Variants in CACNA1S observed in about 807,000 individuals in gnomAD.
CACNA1S encodes voltage-dependent L-type calcium channel subunit alpha-1S.
Under a neutral mutation model 207.4 loss-of-function variants are expected in CACNA1S, and 126 were observed. The observed-to-expected ratio is 0.61, with a 90% CI of 0.53 to 0.70. The LOEUF is 0.70. Among genes scored for constraint, CACNA1S ranks in the 30% least tolerant of loss-of-function variants. CACNA1S has a pLI of 0.00. For missense variants in CACNA1S, 2,349 were observed against 2,422.8 expected, an observed-to-expected ratio of 0.97 and a Z score of 0.64; for synonymous variants, 960 against 932.7, an observed-to-expected ratio of 1.03 and a Z score of -0.53.
At chr1:201,105,469 A>G (rs1324446071) in intron 2 of CACNA1S, among the ~76,000 whole-genome samples, 1 of 152,230 alleles carries the variant, frequency 6.6e-6, no homozygotes. Flanking sequence ...TCACACAGCT[A>G]GTAGGTGAGT....
chr1:201,049,017 G>A lies in CACNA1S; in HGVS notation c.4324C>T (p.Arg1442Trp), dbSNP rs759331560. ...GCTCTGGTTACCTTACAAGCTACCC[G>A]ATGTGGGCAGAACTTCCCAAAGCCC... Reference protein sequence around the residue: ...PLGFGKFCPHRVACKRLVGMN... With the variant: ...PLGFGKFCPHWVACKRLVGMN... The change falls in exon 35 of 44, where the codon CGG (arginine) becomes TGG (tryptophan). Residue 1442 changes from arginine to tryptophan, a missense_variant. Transcript: ENST00000362061. 3.1e-6 allele frequency: 5 copies of A among 1,613,516 alleles called. No homozygotes were observed. Among genetic ancestry groups the A allele is most frequent in the Non-Finnish European group, 3.4e-6 (4 of 1,179,636 alleles).
Position 201,091,633 on chromosome 1 carries a change from A to G in CACNA1S, c.694+7T>C. 1 of 1,614,140 alleles carries G rather than the reference A, an allele frequency of 6.2e-7. No homozygotes were observed. The highest frequency in any genetic ancestry group is 8.5e-7 in the Non-Finnish European group (1 of 1,179,988). The stretch of plus-strand genomic sequence containing the variant: ...GCCCCACAGCCCCACTTTCCCTGGG[A>G]GCTCACCTGTACCAATGAAGTAGCA... On this transcript the variant is annotated splice_region_variant and intron_variant, in intron 5 of 43. Coordinates refer to ENST00000362061, the MANE Select transcript of CACNA1S (RefSeq NM_000069.3).
In CACNA1S at chr1:201,060,647, G is replaced by A. The variant is rs1438053099; in HGVS notation, c.3414+11C>T. ...GTCTGATCAGACATTTTTCTCCTGG[G>A]GAGCCCTTACCTGCATGCCGAGGCA... is the stretch of plus-strand genomic sequence containing the variant. On this transcript the variant is annotated intron_variant, in intron 26 of 43. Transcript: ENST00000362061. The A allele has an allele frequency of 6.2e-7, 1 of 1,614,110 alleles. No homozygotes were observed. Among genetic ancestry groups the A allele is most frequent in the Admixed American group, 1.7e-5 (1 of 60,028 alleles).
chr1:201,108,539 A>G (rs58364051), intron 2 of CACNA1S, among the ~76,000 whole-genome samples: 70,638 of 152,022 alleles, frequency 0.46, 17,106 homozygotes, highest in East Asian at 0.82. Context: ...ATTCAGGGAC[A>G]TGGAGACTAA....
intron 38 of CACNA1S, among the ~76,000 whole-genome samples, chr1:201,046,708 A>G (rs537265899): frequency 1.3e-5 from 2 of 151,154 alleles, no homozygotes; most frequent in East Asian, 3.9e-4. Context: ...TAATTTTTGT[A>G]TTTTTGGTAG....
chr1:201,088,382 C>T (rs778627508), intron 6 of CACNA1S, among the ~76,000 whole-genome samples: 4 of 152,246 alleles, frequency 2.6e-5, no homozygotes, highest in Non-Finnish European at 4.4e-5. Context: ...TCCTCACAGG[C>T]TTGATACAGA....
At position 201,047,097 on chromosome 1, in the gene CACNA1S, T is replaced by C. The variant is rs1445842210; in HGVS notation, c.4668+18A>G. On this transcript the variant is annotated intron_variant, in intron 38 of 43. Coordinates refer to ENST00000362061, the MANE Select transcript of CACNA1S (RefSeq NM_000069.3). Reference sequence around the variant, plus strand: ...CTCAGTGGGGGAGCCCCTTGGAACATACCTGGATTGGGCTTACCTGGATCT... The same window carrying C: ...CTCAGTGGGGGAGCCCCTTGGAACACACCTGGATTGGGCTTACCTGGATCT... The C allele has an allele frequency of 6.2e-7, 1 of 1,614,108 alleles. No homozygotes were observed. Among genetic ancestry groups the C allele is most frequent in the South Asian group, 1.1e-5 (1 of 91,086 alleles).
In CACNA1S at chr1:201,051,005, G is replaced by A; in HGVS notation, c.4092C>T (p.Phe1364=). ...TNFAYYYFIS[F]YMLCAFLVIN... ...TCACCAGGAAGGCACAGAGCATGTA[G>A]AAGCTGATGAAGTAGTAGTATGCAA... The change falls in exon 33 of 44, where the codon TTC becomes TTT. Residue 1364 remains phenylalanine, a synonymous_variant. Coordinates refer to ENST00000362061, the MANE Select transcript of CACNA1S (RefSeq NM_000069.3). 2 of 1,614,208 alleles carry A rather than the reference G, an allele frequency of 1.2e-6. No individual in the cohort carries two copies. Among genetic ancestry groups the A allele is most frequent in the Non-Finnish European group, 1.7e-6 (2 of 1,180,028 alleles).
intron 2 of CACNA1S, among the ~76,000 whole-genome samples, chr1:201,103,501 G>A (rs1374956221): frequency 6.6e-6 from 1 of 152,174 alleles, no homozygotes; most frequent in Non-Finnish European, 1.5e-5. Flanking sequence ...GTGTGAAGGG[G>A]CATGGGTTGG....
chr1:201,085,360 C>T (rs1327066077), intron 8 of CACNA1S, 76 bp downstream of exon 8: 3 of 1,588,220 alleles, frequency 1.9e-6, no homozygotes, highest in African/African-American at 2.7e-5. Flanking sequence ...GCTCAGTGGG[C>T]CTGATTGCAA....
intron 32 of CACNA1S, among the ~76,000 whole-genome samples, chr1:201,052,018 A>G: frequency 6.6e-6 from 1 of 152,098 alleles, no homozygotes; most frequent in East Asian, 1.9e-4. Flanking sequence ...GTCTCAGTAG[A>G]GCATTCCACT....
chr1:201,051,582 G>A (rs1469685372), intron 32 of CACNA1S, among the ~76,000 whole-genome samples: 5 of 152,196 alleles, frequency 3.3e-5, no homozygotes, highest in Non-Finnish European at 7.3e-5. Context: ...CACACCTTGT[G>A]GATGTGTCGC....
chr1:201,065,398 T>C (rs569444836), intron 22 of CACNA1S, among the ~76,000 whole-genome samples: 2 of 152,382 alleles, frequency 1.3e-5, no homozygotes, highest in Admixed American at 1.3e-4. Flanking sequence ...GTTGTATTTA[T>C]AGATTGAAGT....
Position 201,043,366 on chromosome 1 carries a change from G to A in CACNA1S, c.4963C>T (p.Pro1655Ser). The A allele has an allele frequency of 1.2e-6, 2 of 1,614,208 alleles. No individual in the cohort carries two copies. The highest frequency in any genetic ancestry group is 8.5e-7 in the Non-Finnish European group (1 of 1,180,030). ...TTGTTGGTATTGGCACGAGCCAGGG[G>A]GTTGGTGCGTGGATCTTGTGGGAAG... Reference protein sequence around the residue: ...EDFPQDPRTNPLARANTNNAN... With the variant: ...EDFPQDPRTNSLARANTNNAN... Residue 1655 changes from proline (P) to serine (S), a missense_variant, in exon 40 of 44, where the codon CCC becomes TCC. Coordinates refer to ENST00000362061, the MANE Select transcript of CACNA1S (RefSeq NM_000069.3).
intron 14 of CACNA1S, among the ~76,000 whole-genome samples, chr1:201,073,882 CGTTG>C (rs1363063637): frequency 2.6e-5 from 4 of 152,150 alleles, no homozygotes; most frequent in Non-Finnish European, 5.9e-5. Context: ...CCATGTTTAA[CGTTG>C]GTTGATAGTG....
chr1:201,046,582 G>A (rs565376245), intron 38 of CACNA1S, among the ~76,000 whole-genome samples: 22 of 151,190 alleles, frequency 1.5e-4, no homozygotes, highest in Non-Finnish European at 2.5e-4. Context: ...TCACTCTGTC[G>A]CCCAGGCTGA....
chr1:201,108,283 G>A (rs576608709), intron 2 of CACNA1S, among the ~76,000 whole-genome samples: 143 of 152,086 alleles, frequency 9.4e-4, no homozygotes, highest in African/African-American at 3.3e-3. Flanking sequence ...TTCAATTTTT[G>A]TAGAGACGGG....
At chr1:201,081,767 G>A (rs1005441541) in intron 10 of CACNA1S, among the ~76,000 whole-genome samples, 2 of 152,162 alleles carry the variant, frequency 1.3e-5, no homozygotes, top group African/African-American at 4.8e-5. Context: ...CCATTTCTTT[G>A]GTGTTAAGTC....
chr1:201,074,766 A>G, intron 13 of CACNA1S, 146 bp from the exon 14 acceptor site: 1 of 710,772 alleles, frequency 1.4e-6, no homozygotes, highest in Non-Finnish European at 2.6e-6. Context: ...GACATAGTGG[A>G]AGGCCCTCAG....
Sources: allele counts gnomAD v4.1 joint callset (sites outside exome capture counted in the v4.1 genomes callset), GRCh38; gene constraint gnomAD v4.1.1; transcripts MANE v1.5; gene names NCBI Gene and HGNC (gene_info 2026-07-23, HGNC 2026-07-21).